Variants in EXT1 observed in about 807,000 individuals in gnomAD.
The protein encoded by EXT1 is exostosin-1.
In EXT1, 20 loss-of-function variants were observed where a neutral mutation model predicts 82.5. The ratio of observed to expected loss-of-function variants is 0.24; its 90% CI spans 0.17 to 0.35. EXT1 has a LOEUF of 0.35. EXT1 is among the 10% of genes least tolerant of loss of function. The pLI is 1.00. For synonymous variants in EXT1, 348 were observed against 350.8 expected (o/e 0.99, Z 0.09); for missense variants, 757 against 936.5 (o/e 0.81, Z 2.50).
chr8:117,912,647 A>G (rs17475464), intron 1 of EXT1, among the ~76,000 whole-genome samples: 1,576 of 152,292 alleles, frequency 0.01, 33 homozygotes, highest in African/African-American at 0.035. Flanking sequence ...GAGGAGCGAC[A>G]AAGTGTGATG....
At chr8:118,010,841 T>C (rs1002888960) in intron 1 of EXT1, among the ~76,000 whole-genome samples, 1 of 152,214 alleles carries the variant, frequency 6.6e-6, no homozygotes, top group Admixed American at 6.5e-5. Context: ...CCTTCTCCCC[T>C]TGCTAGAAGC....
At chr8:117,923,544 C>T (rs549451682) in intron 1 of EXT1, among the ~76,000 whole-genome samples, 5 of 149,166 alleles carry the variant, frequency 3.4e-5, no homozygotes, top group South Asian at 2.1e-4. Context: ...GGTGAAACCC[C>T]ATCTCTACTA....
intron 1 of EXT1, among the ~76,000 whole-genome samples, chr8:118,028,670 C>T (rs1034043453): frequency 3.9e-5 from 6 of 152,094 alleles, no homozygotes; most frequent in Admixed American, 1.3e-4. Context: ...TGGCTCATGC[C>T]TGTAATCCCA....
chr8:117,875,295 C>T (rs922294678), intron 1 of EXT1, among the ~76,000 whole-genome samples: 1 of 152,116 alleles, frequency 6.6e-6, no homozygotes, highest in Non-Finnish European at 1.5e-5. Context: ...GTGGTGCGCA[C>T]TTGTAATCCC....
At chr8:118,039,375 C>A (rs994998929) in intron 1 of EXT1, among the ~76,000 whole-genome samples, 1 of 151,990 alleles carries the variant, frequency 6.6e-6, no homozygotes, top group Non-Finnish European at 1.5e-5. Context: ...GCCTGGCCAA[C>A]ATGGTGAAAC....
intron 1 of EXT1, among the ~76,000 whole-genome samples, chr8:117,975,712 A>C (rs1317672694): frequency 6.6e-6 from 1 of 152,202 alleles, no homozygotes; most frequent in Non-Finnish European, 1.5e-5. Context: ...CTACTTGAAA[A>C]TAATGGCTAT....
intron 1 of EXT1, among the ~76,000 whole-genome samples, chr8:118,024,090 T>G (rs991563210): frequency 2.0e-5 from 3 of 152,154 alleles, no homozygotes; most frequent in African/African-American, 4.8e-5. Flanking sequence ...CATTAAGCCA[T>G]GAAAATGTGG....
At chr8:117,848,839 C>T (rs539573370) in intron 1 of EXT1, among the ~76,000 whole-genome samples, 5 of 152,188 alleles carry the variant, frequency 3.3e-5, no homozygotes, top group African/African-American at 1.2e-4. Flanking sequence ...TCGTATCTTC[C>T]TGCAGTCCAT....
intron 1 of EXT1, among the ~76,000 whole-genome samples, chr8:118,019,181 T>G (rs927757989): frequency 1.3e-5 from 2 of 152,078 alleles, no homozygotes; most frequent in African/African-American, 2.4e-5. Context: ...CTGAAACCTT[T>G]GATTTCCCTA....
intron 1 of EXT1, among the ~76,000 whole-genome samples, chr8:117,987,147 C>G (rs1815339404): frequency 6.6e-6 from 1 of 152,154 alleles, no homozygotes; most frequent in African/African-American, 2.4e-5. Context: ...TTAGCAAATT[C>G]CTTATGGGAG....
chr8:117,919,331 A>C (rs770462944), intron 1 of EXT1, among the ~76,000 whole-genome samples: 1 of 151,614 alleles, frequency 6.6e-6, no homozygotes, highest in Non-Finnish European at 1.5e-5. Context: ...CACTACAGGC[A>C]TTACACCACC....
At chr8:118,007,095 A>C (rs974005425) in intron 1 of EXT1, among the ~76,000 whole-genome samples, 4 of 152,198 alleles carry the variant, frequency 2.6e-5, no homozygotes, top group African/African-American at 9.7e-5. Context: ...CAGGAGATCG[A>C]GACCATCTTG....
At chr8:117,965,360 A>G (rs1814787568) in intron 1 of EXT1, among the ~76,000 whole-genome samples, 1 of 152,166 alleles carries the variant, frequency 6.6e-6, no homozygotes. Flanking sequence ...AATAACCTGG[A>G]GTGGAATCAG....
At chr8:117,989,305 G>A (rs1815387339) in intron 1 of EXT1, among the ~76,000 whole-genome samples, 1 of 151,190 alleles carries the variant, frequency 6.6e-6, no homozygotes. Context: ...ACTATGGTCT[G>A]GAGTACATCA....
At chr8:118,001,401 T>C (rs1466501839) in intron 1 of EXT1, among the ~76,000 whole-genome samples, 1 of 152,128 alleles carries the variant, frequency 6.6e-6, no homozygotes, top group East Asian at 1.9e-4. Context: ...GCCAGGCTGG[T>C]CTTGGACTCC....
At chr8:117,899,047 T>A (rs1328341332) in intron 1 of EXT1, among the ~76,000 whole-genome samples, 1 of 152,114 alleles carries the variant, frequency 6.6e-6, no homozygotes, top group Admixed American at 6.5e-5. Context: ...AAAAAATAAA[T>A]GAAAGCAATT....
At chr8:118,021,945 A>G (rs76245617) in intron 1 of EXT1, among the ~76,000 whole-genome samples, 7,954 of 152,258 alleles carry the variant, frequency 0.052, 314 homozygotes, top group Middle Eastern at 0.18. Context: ...TATATCCTAC[A>G]TGACTCCCTT....
intron 1 of EXT1, among the ~76,000 whole-genome samples, chr8:117,950,457 G>A (rs1048437769): frequency 2.6e-5 from 4 of 152,168 alleles, no homozygotes. Flanking sequence ...GATAATGCCT[G>A]CTGTTCCCAT....
chr8:117,864,856 A>T (rs1812749142), intron 1 of EXT1, among the ~76,000 whole-genome samples: 1 of 152,024 alleles, frequency 6.6e-6, no homozygotes, highest in Admixed American at 6.6e-5. Context: ...TGCATGTGGC[A>T]CAAGGGCTGT....
Sources: allele counts gnomAD v4.1 joint callset (sites outside exome capture counted in the v4.1 genomes callset), GRCh38; gene constraint gnomAD v4.1.1; transcripts MANE v1.5; gene names NCBI Gene and HGNC (gene_info 2026-07-23, HGNC 2026-07-21).